CCDC192: variants seen among roughly 807,000 people sequenced by gnomAD.
CCDC192 encodes the protein coiled-coil domain-containing protein 192.
intron 3 of CCDC192, among the ~76,000 whole-genome samples, chr5:127,766,168 G>T (rs907318111): frequency 1.3e-5 from 2 of 152,114 alleles, no homozygotes; most frequent in African/African-American, 4.8e-5. Flanking sequence ...AAGGGTAAAG[G>T]CTTCTCTCTG....
In CCDC192 at chr5:127,731,669, C is replaced by A. The variant is rs185083244; in HGVS notation, c.115-22599C>A. ...CATTGTACTCGTACAAAAACAGATA[C>A]ATAGACCAACGGAACAGAATAGAGA... is the stretch of plus-strand genomic sequence containing the variant. On this transcript the variant is annotated intron_variant, in intron 2 of 6. Coordinates refer to ENST00000514853, the MANE Select transcript of CCDC192 (RefSeq NM_001317938.2). 2.0e-5 allele frequency among the ~76,000 whole-genome samples: 3 copies of A among 152,228 alleles called. No homozygotes were observed. In the East Asian group the frequency reaches 5.8e-4, roughly 29 times the overall value.
intron 6 of CCDC192, among the ~76,000 whole-genome samples, chr5:127,890,222 A>T (rs554356508): frequency 1.9e-4 from 29 of 152,164 alleles, no homozygotes; most frequent in South Asian, 6.2e-4. Context: ...AAATTTTTTT[A>T]AAAAAATAGC....
chr5:127,726,337 T>C (rs1021209645), intron 2 of CCDC192, among the ~76,000 whole-genome samples: 2 of 152,198 alleles, frequency 1.3e-5, no homozygotes, highest in Admixed American at 6.5e-5. Flanking sequence ...TTAAACAACA[T>C]GTCGGGGAAA....
chr5:127,777,340 G>C (rs889145258), intron 3 of CCDC192, among the ~76,000 whole-genome samples: 8 of 152,172 alleles, frequency 5.3e-5, no homozygotes, highest in Non-Finnish European at 1.0e-4. Flanking sequence ...AGCCCTTCTG[G>C]TTGGGCCAAT....
chr5:127,785,963 G>A (rs1756514334), intron 3 of CCDC192: 1 of 533,514 alleles, frequency 1.9e-6, no homozygotes. Flanking sequence ...TACATTTTGG[G>A]GTCATTTAAA....
At chr5:127,789,037 C>T (rs1420668930) in intron 3 of CCDC192, among the ~76,000 whole-genome samples, 1 of 152,154 alleles carries the variant, frequency 6.6e-6, no homozygotes, top group African/African-American at 2.4e-5. Flanking sequence ...AGGGGCCTCA[C>T]AAGACACTGA....
intron 5 of CCDC192, among the ~76,000 whole-genome samples, chr5:127,828,238 G>A (rs933628822): frequency 1.3e-5 from 2 of 152,090 alleles, no homozygotes; most frequent in South Asian, 4.1e-4. Flanking sequence ...TTGACTCCAC[G>A]ATTCATTTTT....
At chr5:127,851,516 G>A (rs1449911759) in intron 5 of CCDC192, among the ~76,000 whole-genome samples, 3 of 152,088 alleles carry the variant, frequency 2.0e-5, no homozygotes, top group Admixed American at 6.6e-5. Context: ...GGAGTGCAGT[G>A]GCATGATCTC....
At chr5:127,764,016 C>T (rs1400131963) in intron 3 of CCDC192, among the ~76,000 whole-genome samples, 2 of 152,200 alleles carry the variant, frequency 1.3e-5, no homozygotes, top group Non-Finnish European at 2.9e-5. Flanking sequence ...AATTGCTTGT[C>T]TGTGTCTCCC....
At chr5:127,732,440 C>A (rs940501330) in intron 2 of CCDC192, among the ~76,000 whole-genome samples, 2 of 152,192 alleles carry the variant, frequency 1.3e-5, no homozygotes, top group Non-Finnish European at 2.9e-5. Flanking sequence ...TGTGGCAACT[C>A]CTCAAAGACA....
chr5:127,787,572 CTAT>C (rs1470359414), intron 3 of CCDC192, among the ~76,000 whole-genome samples: 1 of 152,004 alleles, frequency 6.6e-6, no homozygotes, highest in Non-Finnish European at 1.5e-5. Context: ...GCTTTATTCT[CTAT>C]TGTTGTGAGA....
At chr5:127,869,513 T>C (rs776513075) in intron 5 of CCDC192, among the ~76,000 whole-genome samples, 5 of 152,196 alleles carry the variant, frequency 3.3e-5, no homozygotes, top group Non-Finnish European at 7.3e-5. Flanking sequence ...TGGACAACTC[T>C]ACTATTAGAA....
intron 5 of CCDC192, among the ~76,000 whole-genome samples, chr5:127,858,550 T>C (rs146154549): frequency 6.6e-6 from 1 of 152,248 alleles, no homozygotes; most frequent in Admixed American, 6.5e-5. Context: ...TGTGTGATTA[T>C]TTTAAGTCTG....
At chr5:127,815,639 C>T (rs988802627) in intron 5 of CCDC192, among the ~76,000 whole-genome samples, 6 of 151,958 alleles carry the variant, frequency 3.9e-5, no homozygotes, top group Non-Finnish European at 8.8e-5. Context: ...GAGGCTGAGA[C>T]GGGTGGGTCA....
intron 6 of CCDC192, among the ~76,000 whole-genome samples, chr5:127,911,633 G>A (rs1430016631): frequency 6.6e-6 from 1 of 150,640 alleles, no homozygotes; most frequent in East Asian, 1.9e-4. Flanking sequence ...ACTAAACAAT[G>A]TACAGTAAAC....
intron 6 of CCDC192, among the ~76,000 whole-genome samples, chr5:127,938,256 T>C (rs1206720696): frequency 6.6e-6 from 1 of 152,206 alleles, no homozygotes; most frequent in Admixed American, 6.5e-5. Flanking sequence ...AGCTTTGCTG[T>C]GGTAGTGCAT....
At chr5:127,852,845 A>G (rs980450627) in intron 5 of CCDC192, among the ~76,000 whole-genome samples, 2 of 152,168 alleles carry the variant, frequency 1.3e-5, no homozygotes, top group East Asian at 3.9e-4. Flanking sequence ...CTGTAATCCC[A>G]GCACTCTGGG....
chr5:127,928,044 C>T (rs1013910513), intron 6 of CCDC192, among the ~76,000 whole-genome samples: 5 of 150,752 alleles, frequency 3.3e-5, no homozygotes, highest in Non-Finnish European at 2.9e-5. Flanking sequence ...TCTCCTGCCT[C>T]AGCCTCCTGA....
intron 2 of CCDC192, among the ~76,000 whole-genome samples, chr5:127,750,725 C>G (rs901641104): frequency 7.1e-6 from 1 of 141,208 alleles, no homozygotes; most frequent in Admixed American, 7.1e-5. Context: ...GTTAAAGTCT[C>G]CCATTATTAA....
Sources: allele counts gnomAD v4.1 joint callset (sites outside exome capture counted in the v4.1 genomes callset), GRCh38; gene constraint gnomAD v4.1.1; transcripts MANE v1.5; gene names NCBI Gene and HGNC (gene_info 2026-07-23, HGNC 2026-07-21).